POLR2D: variants seen among roughly 807,000 people sequenced by gnomAD.
POLR2D encodes RNA polymerase II subunit D.
A neutral mutation model predicts 17.6 loss-of-function variants in POLR2D; 10 were observed. That is an observed-to-expected ratio of 0.57 (90% CI 0.35 to 0.96). The LOEUF (loss-of-function observed/expected upper bound fraction) is 0.96. Ranked by LOEUF, POLR2D falls within the 40% of genes least tolerant of loss-of-function variation. POLR2D has a pLI of 0.02. For synonymous variants in POLR2D, 52 were observed against 60.2 expected, an observed-to-expected ratio of 0.86 and a Z score of 0.63; for missense variants, 126 against 176.4, an observed-to-expected ratio of 0.71 and a Z score of 1.62.
intron 1 of POLR2D, 38 bp downstream of exon 1, chr2:127,857,990 G>T (rs777537182): frequency 7.6e-6 from 12 of 1,571,092 alleles, no homozygotes; most frequent in Non-Finnish European, 9.5e-6. Context: ...GCGACCACGC[G>T]AAGTGGCGCG....
At position 127,855,677 on chromosome 2, in the gene POLR2D, A is replaced by C. The variant is rs531039414; in HGVS notation, c.73+2351T>G. On this transcript the variant is annotated intron_variant, in intron 1 of 3. Transcript: ENST00000272645. Reference sequence around the variant, plus strand: ...GGCATTCCCAGGATTCAGCATCAACAAAATGGGGATGGGGGAGGCAGTTCA... The same window carrying C: ...GGCATTCCCAGGATTCAGCATCAACCAAATGGGGATGGGGGAGGCAGTTCA... Among the ~76,000 whole-genome samples the C allele has an allele frequency of 2.6e-5, 4 of 152,362 alleles. No individual in the cohort carries two copies. The South Asian group carries it at 8.3e-4, about 32-fold the overall frequency.
At position 127,852,873 on chromosome 2, in the gene POLR2D, C is replaced by T. The variant is rs1573519801; in HGVS notation, c.254+52G>A. On this transcript the variant is annotated intron_variant, in intron 2 of 3. Coordinates refer to ENST00000272645, the MANE Select transcript of POLR2D (RefSeq NM_004805.4). This position sits in a 1 kb window ranked among gnomAD's most constrained non-coding sequence, Gnocchi z 4.0. ...GAAAGGGGGAGGGGACAGCATTCTACATGCAGTTGTCCAATGGTTTGGATT... is the reference window on the plus strand; with the variant it reads ...GAAAGGGGGAGGGGACAGCATTCTATATGCAGTTGTCCAATGGTTTGGATT... 2 of 1,239,594 alleles carry T rather than the reference C, an allele frequency of 1.6e-6. No homozygotes were observed. The highest frequency in any genetic ancestry group is 2.3e-6 in the Non-Finnish European group (2 of 854,962). The allele number at this position is 1,239,594 out of a possible 1,614,324, so 76.8% of individuals were successfully genotyped here.
At chr2:127,854,208 T>C (rs1690293802) in intron 1 of POLR2D, among the ~76,000 whole-genome samples, 1 of 152,230 alleles carries the variant, frequency 6.6e-6, no homozygotes, top group Admixed American at 6.5e-5. Flanking sequence ...TTTCATAATA[T>C]ACGGCGACCT....
Position 127,850,440 on chromosome 2 carries a change from C to CAAAAAAAAAAAAAAA in POLR2D, c.350+135_350+149dup, listed in dbSNP as rs60975701. The stretch of plus-strand genomic sequence containing the variant: ...GGGCAACAAGAGCGAAACTCCGTCT[C>CAAAAAAAAAAAAAAA]AAAAAAAAAAAAAAAAAAAAAAAAG... On this transcript the variant is annotated intron_variant, in intron 3 of 3. Coordinates refer to ENST00000272645, the MANE Select transcript of POLR2D (RefSeq NM_004805.4). The CAAAAAAAAAAAAAAA allele has an allele frequency of 8.2e-4, 89 of 108,464 alleles. 5 individuals are homozygous for CAAAAAAAAAAAAAAA. The highest frequency in any genetic ancestry group is 6.5e-3 in the African/African-American group (87 of 13,370). The allele number at this position is 108,464 out of a possible 1,614,324, so 6.7% of individuals were successfully genotyped here.
rs1690137428 is a variant in POLR2D, at chr2:127,845,394, T to TTTTTTTGG, written c.*2712_*2713insCCAAAAAA. 1.1e-5 allele frequency: 1 copy of TTTTTTTGG among 94,420 alleles called. No individual in the cohort carries two copies. Among genetic ancestry groups the TTTTTTTGG allele is most frequent in the African/African-American group, 2.9e-5 (1 of 34,080 alleles). 5.8% of individuals were successfully genotyped at this position (94,420 alleles called of 1,614,324 possible). A position where few individuals can be genotyped will look rare whatever the true frequency, so the allele number is the denominator to read the frequency against. ...TTCACTTTTTTTTTTTTTTTTTTTTTGAGACAGTTTCGCTCTTGTTGCCTA... is the reference window on the plus strand; with the variant it reads ...TTCACTTTTTTTTTTTTTTTTTTTTTTTTTTTGGGAGACAGTTTCGCTCTTGTTGCCTA... On this transcript the variant is annotated 3_prime_UTR_variant, in exon 4 of 4. Transcript: ENST00000272645.
At chr2:127,855,036 A>T (rs1690306571) in intron 1 of POLR2D, among the ~76,000 whole-genome samples, 1 of 151,166 alleles carries the variant, frequency 6.6e-6, no homozygotes, top group South Asian at 2.1e-4. Flanking sequence ...AGCAGCAGCT[A>T]ATCAGTTACA....
intron 3 of POLR2D, among the ~76,000 whole-genome samples, chr2:127,848,480 G>A (rs929884782): frequency 1.3e-5 from 2 of 150,510 alleles, no homozygotes; most frequent in Non-Finnish European, 3.0e-5. Context: ...GCATGATCTC[G>A]GCTCACCAAA....
chr2:127,856,207 T>G (rs1690325476), intron 1 of POLR2D, among the ~76,000 whole-genome samples: 1 of 145,376 alleles, frequency 6.9e-6, no homozygotes, highest in African/African-American at 2.6e-5. Context: ...GAGGATAACC[T>G]GAGCCTAGGG....
In POLR2D at chr2:127,858,147, G is replaced by A. The variant is rs957108659; in HGVS notation, c.-47C>T. On this transcript the variant is annotated 5_prime_UTR_variant, in exon 1 of 4. Coordinates refer to ENST00000272645, the MANE Select transcript of POLR2D (RefSeq NM_004805.4). ...ACCACCAGCGCCGCCGGAAGCAGAA[G>A]CGCGGAGCAACGGCCGCGGAAGGGG... 1.8e-5 allele frequency: 25 copies of A among 1,372,966 alleles called. No individual in the cohort carries two copies. In the African/African-American group the frequency reaches 1.8e-4, roughly 10 times the overall value. 85.0% of individuals were successfully genotyped at this position (1,372,966 alleles called of 1,614,324 possible).
chr2:127,854,182 G>C (rs1171841995), intron 1 of POLR2D, among the ~76,000 whole-genome samples: 1 of 152,164 alleles, frequency 6.6e-6, no homozygotes, highest in East Asian at 1.9e-4. Flanking sequence ...GAGAGAAAAA[G>C]AAACCCATGG....
chr2:127,857,892 C>A, intron 1 of POLR2D, 136 bp downstream of exon 1: 1 of 1,370,850 alleles, frequency 7.3e-7, no homozygotes, highest in Non-Finnish European at 9.4e-7. Flanking sequence ...GGCCATGTTC[C>A]CTCCCCAGCC....
rs1051581764 is a variant in POLR2D at position 127,850,835 on chromosome 2, C to T, written c.255-150G>A. ...GGTGTAGTGGCTCACACCTGTAATT[C>T]CAGCACTCTGAGAGGCCAAGGTGGG... On this transcript the variant is annotated intron_variant, in intron 2 of 3. Transcript: ENST00000272645. 5 of 591,122 alleles carry T rather than the reference C, an allele frequency of 8.5e-6. No homozygotes were observed. The African/African-American group carries it at 9.4e-5, about 11-fold the overall frequency. 36.6% of individuals were successfully genotyped at this position (591,122 alleles called of 1,614,324 possible).
chr2:127,857,661 G>T, intron 1 of POLR2D: 1 of 325,760 alleles, frequency 3.1e-6, no homozygotes, highest in Non-Finnish European at 4.6e-6. Context: ...CTAATTCTCC[G>T]TTAAAACGCC....
rs397871322 is a variant in POLR2D, at chr2:127,845,373, C to CTTTTTTTTTTTTTTTTTTT, written c.*2715_*2733dup. On this transcript the variant is annotated 3_prime_UTR_variant, in exon 4 of 4. Coordinates refer to ENST00000272645, the MANE Select transcript of POLR2D (RefSeq NM_004805.4). ...CTGTAGATTTGGGTAAGCAATTTCA[C>CTTTTTTTTTTTTTTTTTTT]TTTTTTTTTTTTTTTTTTTTTGAGA... The CTTTTTTTTTTTTTTTTTTT allele has an allele frequency of 8.8e-6, 1 of 113,616 alleles. No individual in the cohort carries two copies. The highest frequency in any genetic ancestry group is 9.6e-5 in the Admixed American group (1 of 10,396). 7.0% of individuals were successfully genotyped at this position (113,616 alleles called of 1,614,324 possible).
intron 1 of POLR2D, 58 bp from the exon 2 acceptor site, chr2:127,853,163 A>C: frequency 1.5e-6 from 2 of 1,345,384 alleles, no homozygotes; most frequent in African/African-American, 1.5e-5. Flanking sequence ...TTTGCTTCTA[A>C]ATGTTCACTG....
At position 127,850,440 on chromosome 2, in the gene POLR2D, C is replaced by CAAAAAAA. The variant is rs60975701; in HGVS notation, c.350+143_350+149dup. ...GGGCAACAAGAGCGAAACTCCGTCT[C>CAAAAAAA]AAAAAAAAAAAAAAAAAAAAAAAAG... On this transcript the variant is annotated intron_variant, in intron 3 of 3. Transcript: ENST00000272645. 1.4e-3 allele frequency: 148 copies of CAAAAAAA among 108,442 alleles called. 3 individuals carry two copies. The highest frequency in any genetic ancestry group is 2.0e-3 in the African/African-American group (27 of 13,368). The allele number at this position is 108,442 out of a possible 1,614,324, so 6.7% of individuals were successfully genotyped here.
intron 1 of POLR2D, among the ~76,000 whole-genome samples, chr2:127,854,472 T>C (rs927579091): frequency 4.6e-5 from 7 of 152,192 alleles, no homozygotes; most frequent in African/African-American, 1.7e-4. Flanking sequence ...CAATTTCACA[T>C]TTAGATGTGC....
At position 127,855,793 on chromosome 2, in the gene POLR2D, G is replaced by A. The variant is rs539114313; in HGVS notation, c.73+2235C>T. ...CATTTTCAAGTGAAGGCGCGCACAC[G>A]CGCGCACATACACACACACACACAC... On this transcript the variant is annotated intron_variant, in intron 1 of 3. Coordinates refer to ENST00000272645, the MANE Select transcript of POLR2D (RefSeq NM_004805.4). 2.7e-4 allele frequency among the ~76,000 whole-genome samples: 37 copies of A among 135,592 alleles called. 1 individual carries two copies. Among genetic ancestry groups the A allele is most frequent in the Admixed American group, 1.2e-3 (17 of 14,452 alleles). 89.0% of individuals were successfully genotyped at this position (135,592 alleles called of 152,430 possible). A position where few individuals can be genotyped will look rare whatever the true frequency, so the allele number is the denominator to read the frequency against.
At chr2:127,857,999 C>G in intron 1 of POLR2D, 29 bp downstream of exon 1, 1 of 1,574,686 alleles carries the variant, frequency 6.4e-7, no homozygotes, top group Non-Finnish European at 8.6e-7. Flanking sequence ...CGAAGTGGCG[C>G]GGGGGAGTCT....
Sources: allele counts gnomAD v4.1 joint callset (sites outside exome capture counted in the v4.1 genomes callset), GRCh38; gene constraint gnomAD v4.1.1; non-coding constraint Gnocchi (gnomAD v3.1); transcripts MANE v1.5; gene names NCBI Gene and HGNC (gene_info 2026-07-23, HGNC 2026-07-21).